Variants in NFU1 observed in about 807,000 individuals in gnomAD.
NFU1 encodes the protein NFU1 iron-sulfur cluster scaffold.
Under a neutral mutation model 32.2 loss-of-function variants are expected in NFU1, and 30 were observed. That is an observed-to-expected ratio of 0.93 (90% CI 0.70 to 1.26). The LOEUF is 1.26. Among genes scored for constraint, NFU1 ranks in the 50% most tolerant of loss-of-function variants. The pLI, the probability that NFU1 is intolerant of heterozygous loss-of-function variation, is 0.00. For missense variants in NFU1, 306 were observed against 306.6 expected (o/e 1.00, Z 0.02); for synonymous variants, 112 against 104.6 (o/e 1.07, Z -0.43).
At chr2:69,405,162 G>A (rs1318528795) in intron 6 of NFU1, among the ~76,000 whole-genome samples, 2 of 152,118 alleles carry the variant, frequency 1.3e-5, no homozygotes, top group African/African-American at 2.4e-5. Context: ...CTGGAGAACC[G>A]CTTGAACCCG....
intron 2 of NFU1, among the ~76,000 whole-genome samples, chr2:69,428,410 T>C (rs1224765706): frequency 1.3e-5 from 2 of 151,458 alleles, no homozygotes; most frequent in Admixed American, 6.6e-5. Context: ...CTGCGAGACA[T>C]AGTGAGACTC....
chr2:69,406,990 C>T (rs1034879135), intron 5 of NFU1, among the ~76,000 whole-genome samples: 1 of 152,066 alleles, frequency 6.6e-6, no homozygotes, highest in Non-Finnish European at 1.5e-5. Context: ...CTTCTTGTTG[C>T]CGTCATGTGA....
At chr2:69,428,792 T>G (rs925217835) in intron 2 of NFU1, among the ~76,000 whole-genome samples, 2 of 152,262 alleles carry the variant, frequency 1.3e-5, no homozygotes, top group Non-Finnish European at 2.9e-5. Flanking sequence ...TATTTTAAAT[T>G]TGAAAGAGTT....
At chr2:69,438,283 A>C (rs1673926626), upstream of NFU1, among the ~76,000 whole-genome samples, 2 of 150,386 alleles carry the variant, frequency 1.3e-5, no homozygotes, top group East Asian at 2.0e-4. Flanking sequence ...GACAGGGTCT[A>C]TCTCTGTTGC....
chr2:69,423,719 T>TA lies in NFU1; in HGVS notation c.167-3dup. On this transcript the variant is annotated splice_polypyrimidine_tract_variant and splice_region_variant and intron_variant, in intron 2 of 7. Transcript: ENST00000410022. ...GTGTTTGAATAAACATGTATCTCAC[T>TA]AAAAAAGAAAAAGAAGAAAATGTTA... 2 of 1,589,288 alleles carry TA rather than the reference T, an allele frequency of 1.3e-6. No homozygotes were observed. Among genetic ancestry groups the TA allele is most frequent in the Non-Finnish European group, 1.7e-6 (2 of 1,158,192 alleles).
upstream of NFU1, among the ~76,000 whole-genome samples, chr2:69,439,558 G>A (rs558935172): frequency 2.6e-5 from 4 of 152,314 alleles, no homozygotes; most frequent in East Asian, 1.9e-4. Flanking sequence ...GGGGACCCAA[G>A]CAGGTTGCCA....
At chr2:69,438,827 G>A (rs1037067974), upstream of NFU1, among the ~76,000 whole-genome samples, 9 of 151,292 alleles carry the variant, frequency 5.9e-5, no homozygotes, top group South Asian at 2.1e-4. Context: ...CCAATGCTGC[G>A]TACTTGCTTT....
intron 7 of NFU1, among the ~76,000 whole-genome samples, chr2:69,400,062 G>C (rs1306007988): frequency 6.6e-6 from 1 of 152,074 alleles, no homozygotes; most frequent in African/African-American, 2.4e-5. Flanking sequence ...AGTAGAGACG[G>C]GGTTTTCTCC....
intron 5 of NFU1, among the ~76,000 whole-genome samples, chr2:69,414,630 A>C (rs1328404927): frequency 2.0e-5 from 3 of 151,586 alleles, no homozygotes; most frequent in East Asian, 1.9e-4. Context: ...AAAAAAAAAA[A>C]AAAAAAAAAA....
chr2:69,439,354 CTG>C (rs1302302948), upstream of NFU1, among the ~76,000 whole-genome samples: 1 of 152,162 alleles, frequency 6.6e-6, no homozygotes, highest in Non-Finnish European at 1.5e-5. Context: ...TGTCCAGAGT[CTG>C]TTCCTTCAGA....
upstream of NFU1, chr2:69,437,761 C>T (rs1673908329): frequency 4.5e-6 from 2 of 449,028 alleles, no homozygotes; most frequent in African/African-American, 4.0e-5. Flanking sequence ...AGCCCCTAAA[C>T]CTGACCCATT....
chr2:69,437,519 C>T (rs1673895066), upstream of NFU1: 16 of 1,464,114 alleles, frequency 1.1e-5, no homozygotes, highest in Non-Finnish European at 1.5e-5. Context: ...GGGAAGAGCC[C>T]ACCCTACCGG....
At chr2:69,403,516 C>G (rs761802442) in intron 6 of NFU1, among the ~76,000 whole-genome samples, 5 of 151,960 alleles carry the variant, frequency 3.3e-5, no homozygotes, top group Non-Finnish European at 7.4e-5. Context: ...TCAGGAACAG[C>G]TGAGACTACA....
chr2:69,437,267 C>T, intron 1 of NFU1, 94 bp downstream of exon 1: 1 of 1,528,334 alleles, frequency 6.5e-7, no homozygotes, highest in East Asian at 2.4e-5. Context: ...GATGCACTAC[C>T]CACCCGCCTC....
chr2:69,437,190 T>C (rs1300613793), intron 1 of NFU1, 171 bp downstream of exon 1: 4 of 1,401,036 alleles, frequency 2.9e-6, no homozygotes, highest in South Asian at 1.5e-5. Context: ...AGCGCCGAGC[T>C]CCCGCACAGA....
intron 7 of NFU1, 98 bp from the exon 8 acceptor site, chr2:69,396,388 A>G (rs1274565443): frequency 2.5e-6 from 2 of 796,156 alleles, no homozygotes; most frequent in Non-Finnish European, 4.2e-6. Flanking sequence ...GATACACTCT[A>G]TAATGAGGCA....
At chr2:69,419,861 A>G (rs1673182409) in intron 3 of NFU1, among the ~76,000 whole-genome samples, 1 of 152,234 alleles carries the variant, frequency 6.6e-6, no homozygotes, top group South Asian at 2.1e-4. Context: ...TTCATTTAAA[A>G]TAGCCACACA....
At chr2:69,400,004 C>T (rs1443476412) in intron 7 of NFU1, among the ~76,000 whole-genome samples, 2 of 152,096 alleles carry the variant, frequency 1.3e-5, no homozygotes, top group Non-Finnish European at 2.9e-5. Context: ...TCCCAAGTAG[C>T]TGGGATTACA....
intron 3 of NFU1, among the ~76,000 whole-genome samples, chr2:69,420,462 A>G (rs1673201018): frequency 6.6e-6 from 1 of 152,242 alleles, no homozygotes; most frequent in African/African-American, 2.4e-5. Context: ...TGTTTCAAAC[A>G]ATAAAATTTA....
Sources: gnomAD v4.1 joint callset for allele counts (sites outside exome capture counted in the v4.1 genomes callset) on GRCh38, gnomAD v4.1.1 for gene constraint, MANE v1.5 for transcripts, NCBI Gene and HGNC (gene_info 2026-07-23, HGNC 2026-07-21) for gene names.